CFAP299: variants seen among roughly 807,000 people sequenced by gnomAD.
The protein encoded by CFAP299 is cilia- and flagella-associated protein 299.
CFAP299 carries 21 observed loss-of-function variants against 27.0 expected under a neutral mutation model. The ratio of observed to expected loss-of-function variants is 0.78; its 90% CI spans 0.55 to 1.12. The LOEUF (loss-of-function observed/expected upper bound fraction) is 1.12, where lower values mean the gene tolerates loss of function less well. CFAP299 is among the 50% of genes most tolerant of loss of function. The pLI, the probability that CFAP299 is intolerant of heterozygous loss-of-function variation, is 0.00. For synonymous variants in CFAP299, 104 were observed against 98.1 expected, an observed-to-expected ratio of 1.06 and a Z score of -0.36; for missense variants, 310 against 276.6, an observed-to-expected ratio of 1.12 and a Z score of -0.86.
At chr4:80,929,442 T>A (rs534513107) in intron 4 of CFAP299, among the ~76,000 whole-genome samples, 7 of 152,148 alleles carry the variant, frequency 4.6e-5, no homozygotes, top group East Asian at 1.9e-4. Context: ...CCACTATACA[T>A]CCAGTCTCTA....
At chr4:80,340,557 C>G (rs937047787) in intron 1 of CFAP299, among the ~76,000 whole-genome samples, 3 of 152,198 alleles carry the variant, frequency 2.0e-5, no homozygotes, top group Non-Finnish European at 2.9e-5. Flanking sequence ...CTAAGACCCA[C>G]TCGCTTAGAA....
intron 3 of CFAP299, among the ~76,000 whole-genome samples, chr4:80,780,460 GT>G (rs2110090460): frequency 6.6e-6 from 1 of 152,150 alleles, no homozygotes; most frequent in East Asian, 1.9e-4. Flanking sequence ...CTACCCAGAT[GT>G]TTTGCTGAAT....
chr4:80,521,713 T>G (rs1041630021), intron 2 of CFAP299, among the ~76,000 whole-genome samples: 52 of 152,210 alleles, frequency 3.4e-4, no homozygotes, highest in Non-Finnish European at 5.9e-4. Flanking sequence ...CATACAATAT[T>G]GCCCTTCTGT....
Position 80,596,769 on chromosome 4 carries a change from A to G in CFAP299, c.333+13586A>G, listed in dbSNP as rs1348298591. Among the ~76,000 whole-genome samples the G allele has an allele frequency of 2.0e-5, 3 of 152,080 alleles. No individual in the cohort carries two copies. In the East Asian group the frequency reaches 5.8e-4, roughly 29 times the overall value. On this transcript the variant is annotated intron_variant, in intron 3 of 5. Coordinates refer to ENST00000358105, the MANE Select transcript of CFAP299 (RefSeq NM_152770.3). Reference sequence around the variant, plus strand: ...TTTAGTCACAACTCTCCTATTCTCAATGATAATCCTTATTCTGATTTCTAA... The same window carrying G: ...TTTAGTCACAACTCTCCTATTCTCAGTGATAATCCTTATTCTGATTTCTAA...
chr4:80,380,097 T>C (rs946323394), intron 2 of CFAP299, among the ~76,000 whole-genome samples: 3 of 152,208 alleles, frequency 2.0e-5, no homozygotes, highest in African/African-American at 7.2e-5. Context: ...TAGATACATA[T>C]GCTTCATGAT....
intron 3 of CFAP299, among the ~76,000 whole-genome samples, chr4:80,776,072 C>CT (rs1469751587): frequency 2.0e-5 from 3 of 152,090 alleles, no homozygotes; most frequent in African/African-American, 4.8e-5. Context: ...CTTGCCAACT[C>CT]TAACACCATG....
At chr4:80,704,548 A>G (rs901759446) in intron 3 of CFAP299, among the ~76,000 whole-genome samples, 3 of 151,798 alleles carry the variant, frequency 2.0e-5, no homozygotes, top group Admixed American at 1.3e-4. Context: ...ATACTATGTG[A>G]TACATTTTAC....
chr4:80,554,862 A>G (rs1371974082), intron 2 of CFAP299, among the ~76,000 whole-genome samples: 1 of 152,110 alleles, frequency 6.6e-6, no homozygotes, highest in Non-Finnish European at 1.5e-5. Flanking sequence ...ATCCCAAAAC[A>G]TTGCTGAAGT....
At chr4:80,638,170 G>A (rs1302828511) in intron 3 of CFAP299, among the ~76,000 whole-genome samples, 1 of 152,112 alleles carries the variant, frequency 6.6e-6, no homozygotes, top group Non-Finnish European at 1.5e-5. Flanking sequence ...ATGGCTGGTA[G>A]ACCAGAAACA....
intron 2 of CFAP299, among the ~76,000 whole-genome samples, chr4:80,523,235 T>A (rs1733008539): frequency 6.6e-6 from 1 of 152,192 alleles, no homozygotes; most frequent in Non-Finnish European, 1.5e-5. Context: ...ATTTTATTAT[T>A]TCTGATGCTA....
chr4:80,682,453 C>T (rs929719155), intron 3 of CFAP299, among the ~76,000 whole-genome samples: 4 of 152,128 alleles, frequency 2.6e-5, no homozygotes, highest in African/African-American at 9.7e-5. Context: ...CCTAGTATTC[C>T]ATCAATTCAA....
At chr4:80,571,074 T>G (rs529233488) in intron 2 of CFAP299, among the ~76,000 whole-genome samples, 2 of 152,060 alleles carry the variant, frequency 1.3e-5, no homozygotes, top group Admixed American at 6.6e-5. Flanking sequence ...ATTCTAAAAT[T>G]TGGAGACTGA....
chr4:80,687,704 A>G, intron 3 of CFAP299, among the ~76,000 whole-genome samples: 1 of 152,182 alleles, frequency 6.6e-6, no homozygotes, highest in South Asian at 2.1e-4. Context: ...CCGAATAGGA[A>G]CAGCTCCGGT....
chr4:80,770,843 C>T (rs1173071560), intron 3 of CFAP299, among the ~76,000 whole-genome samples: 3 of 152,080 alleles, frequency 2.0e-5, no homozygotes, highest in South Asian at 2.1e-4. Flanking sequence ...CTCTCAGCTT[C>T]GGGGGGCTGC....
At chr4:80,386,054 G>C (rs1440573514) in intron 2 of CFAP299, 2 of 435,214 alleles carry the variant, frequency 4.6e-6, no homozygotes, top group Non-Finnish European at 8.1e-6. Flanking sequence ...ATGACATTCA[G>C]AAGGATTTCT....
chr4:80,440,338 G>A (rs1252648406), intron 2 of CFAP299, among the ~76,000 whole-genome samples: 2 of 151,992 alleles, frequency 1.3e-5, no homozygotes, highest in Non-Finnish European at 1.5e-5. Flanking sequence ...CCTCTGGGAC[G>A]ATGCTTCCAG....
chr4:80,595,940 G>A (rs1398140493), intron 3 of CFAP299, among the ~76,000 whole-genome samples: 3 of 152,150 alleles, frequency 2.0e-5, no homozygotes, highest in Admixed American at 6.5e-5. Flanking sequence ...GCAATACATA[G>A]CACTCTTATA....
In CFAP299 at chr4:80,870,137, T is replaced by C. The variant is rs767176262; in HGVS notation, c.476+2T>C. 8.2e-6 allele frequency: 13 copies of C among 1,595,038 alleles called. No homozygotes were observed. The East Asian group carries it at 2.9e-4, about 36-fold the overall frequency. On this transcript the variant is annotated splice_donor_variant, in intron 4 of 5. Transcript: ENST00000358105. LOFTEE classifies it high-confidence loss of function. ...TCTTCCAAGGCCTACAGATATAAGG[T>C]AAATTACATACAATTTTTGCACCCT... is the stretch of plus-strand genomic sequence containing the variant.
intron 3 of CFAP299, among the ~76,000 whole-genome samples, chr4:80,623,751 T>C (rs1399453029): frequency 6.6e-6 from 1 of 152,150 alleles, no homozygotes; most frequent in Non-Finnish European, 1.5e-5. Context: ...CAACACAGTG[T>C]AACCCAGCAT....
Sources: allele counts gnomAD v4.1 joint callset (sites outside exome capture counted in the v4.1 genomes callset), GRCh38; gene constraint gnomAD v4.1.1; transcripts MANE v1.5; gene names NCBI Gene and HGNC (gene_info 2026-07-23, HGNC 2026-07-21).